DLC1: variants seen among roughly 807,000 people sequenced by gnomAD.
DLC1 encodes DLC1 Rho GTPase activating protein, also known as rho GTPase-activating protein 7.
Under a neutral mutation model 140.3 loss-of-function variants are expected in DLC1, and 54 were observed. That is an observed-to-expected ratio of 0.38 (90% CI 0.31 to 0.48). The LOEUF is 0.48. Among genes scored for constraint, DLC1 ranks in the 20% least tolerant of loss-of-function variants. DLC1 has a pLI of 0.96. For synonymous variants in DLC1, 986 were observed against 728.1 expected (o/e 1.35, Z -5.70); for missense variants, 2,536 against 1,907.0 (o/e 1.33, Z -6.14).
chr8:13,591,010 C>A (rs1467855607), intron 1 of DLC1, among the ~76,000 whole-genome samples: 1 of 151,952 alleles, frequency 6.6e-6, no homozygotes, highest in Non-Finnish European at 1.5e-5. Context: ...CATGGAGGTA[C>A]TTTCAATTGA....
intron 1 of DLC1, among the ~76,000 whole-genome samples, chr8:13,594,346 A>G (rs1805618196): frequency 6.6e-6 from 1 of 152,094 alleles, no homozygotes; most frequent in Non-Finnish European, 1.5e-5. Flanking sequence ...GCTCTGTATC[A>G]GTTCAGAAGA....
intron 2 of DLC1, among the ~76,000 whole-genome samples, chr8:13,425,192 G>A (rs576662695): frequency 6.6e-6 from 1 of 152,004 alleles, no homozygotes; most frequent in Non-Finnish European, 1.5e-5. Flanking sequence ...TCAAGCGGCT[G>A]TTTCCCACAA....
intron 4 of DLC1, among the ~76,000 whole-genome samples, chr8:13,385,827 A>G (rs1586250725): frequency 6.6e-6 from 1 of 152,240 alleles, no homozygotes; most frequent in African/African-American, 2.4e-5. Flanking sequence ...CACAGAGGCC[A>G]TCAAATGCCT....
intron 16 of DLC1, among the ~76,000 whole-genome samples, chr8:13,087,566 G>T (rs1585562156): frequency 1.3e-5 from 2 of 152,224 alleles, no homozygotes; most frequent in South Asian, 4.1e-4. Context: ...TACAAGGACT[G>T]CTGAATGAGG....
intron 2 of DLC1, among the ~76,000 whole-genome samples, chr8:13,432,915 G>A (rs1310472545): frequency 6.9e-6 from 1 of 145,610 alleles, no homozygotes. Flanking sequence ...TTGTGCTGCT[G>A]TCCTGCTGGA....
Position 13,099,598 on chromosome 8 carries a change from C to T in DLC1, c.2739G>A (p.Val913=). Residue 913 remains valine (V), a synonymous_variant, in exon 9 of 18, where the codon GTG becomes GTA. Transcript: ENST00000276297. ...GATTGACTATCCGCTGCATCCCCTT[C>T]ACGTGGTAGAGGATGTCGTCCAGCT... ...FPELDDILYH[V]KGMQRIVNQW... is the part of the protein sequence containing the mutation. 1.2e-6 allele frequency: 2 copies of T among 1,614,210 alleles called. No individual in the cohort carries two copies. The highest frequency in any genetic ancestry group is 2.2e-5 in the East Asian group (1 of 44,876).
In DLC1 at chr8:13,086,937, A is replaced by G. The variant is rs143008612; in HGVS notation, c.4293-474T>C. 4.7e-3 allele frequency among the ~76,000 whole-genome samples: 712 copies of G among 152,264 alleles called. 7 individuals are homozygous for G. Among genetic ancestry groups the G allele is most frequent in the African/African-American group, 0.016 (667 of 41,548 alleles). Reference sequence around the variant, plus strand: ...CTACTCCGGGGGCTGAGATGGTAGGATTGCTTAAGCTGTAATCATGCCACT... The same window carrying G: ...CTACTCCGGGGGCTGAGATGGTAGGGTTGCTTAAGCTGTAATCATGCCACT... On this transcript the variant is annotated intron_variant, in intron 16 of 17. Coordinates refer to ENST00000276297, the MANE Select transcript of DLC1 (RefSeq NM_182643.3).
intron 2 of DLC1, among the ~76,000 whole-genome samples, chr8:13,483,364 A>G (rs1800826685): frequency 1.3e-5 from 2 of 152,194 alleles, no homozygotes; most frequent in Admixed American, 6.5e-5. Context: ...TTGAGGGGCC[A>G]CAATTCAATC....
intron 1 of DLC1, among the ~76,000 whole-genome samples, chr8:13,590,078 C>G (rs1347454325): frequency 9.0e-6 from 1 of 111,002 alleles, no homozygotes; most frequent in African/African-American, 3.7e-5. Flanking sequence ...TATATATATA[C>G]AAACACATGC....
Position 13,100,280 on chromosome 8 carries a change from G to T in DLC1, c.2057C>A (p.Ala686Glu), listed in dbSNP as rs142931995. The change falls in exon 9 of 18, where the codon GCG (alanine) becomes GAG (glutamate). Residue 686 changes from alanine to glutamate, a missense_variant. Coordinates refer to ENST00000276297, the MANE Select transcript of DLC1 (RefSeq NM_182643.3). ...GATGATCAACCCCAGCTTTGAGGGC[G>T]CTTTGTGCTTGCTGTGATGGGAGCT... ...LKSSHHSKHK[A>E]PSKLGLIISG... 3 of 1,613,962 alleles carry T rather than the reference G, an allele frequency of 1.9e-6. No individual in the cohort carries two copies. The African/African-American group carries it at 4.0e-5, about 22-fold the overall frequency.
In DLC1 at chr8:13,456,112, G is replaced by A. The variant is rs536549631; in HGVS notation, c.1023+42937C>T. Among the ~76,000 whole-genome samples the A allele has an allele frequency of 7.2e-5, 11 of 152,264 alleles. No individual in the cohort carries two copies. In the South Asian group the frequency reaches 1.0e-3, roughly 14 times the overall value. ...TTCGAGATTTGCAGCAGAGTTTCCC[G>A]TAACAGCAAAATCTTAGATTAGGGC... On this transcript the variant is annotated intron_variant, in intron 2 of 17. Coordinates refer to ENST00000276297, the MANE Select transcript of DLC1 (RefSeq NM_182643.3).
intron 5 of DLC1, among the ~76,000 whole-genome samples, chr8:13,244,724 C>G (rs1222587504): frequency 6.6e-6 from 1 of 152,140 alleles, no homozygotes; most frequent in Non-Finnish European, 1.5e-5. Context: ...TGGACTCTCA[C>G]CCACCTTTCC....
intron 2 of DLC1, among the ~76,000 whole-genome samples, chr8:13,406,529 A>C (rs1837569707): frequency 6.6e-6 from 1 of 152,174 alleles, no homozygotes; most frequent in South Asian, 2.1e-4. Flanking sequence ...TTATTCCATG[A>C]AACAGCCTTT....
chr8:13,560,549 A>G (rs1804205748), intron 1 of DLC1, among the ~76,000 whole-genome samples: 1 of 152,208 alleles, frequency 6.6e-6, no homozygotes, highest in African/African-American at 2.4e-5. Flanking sequence ...AGTCGACCCC[A>G]AAAGCAGATT....
intron 1 of DLC1, among the ~76,000 whole-genome samples, chr8:13,585,263 C>A (rs1805259680): frequency 6.6e-6 from 1 of 152,038 alleles, no homozygotes; most frequent in Non-Finnish European, 1.5e-5. Flanking sequence ...GTTTCTGGAA[C>A]ATAAAGAATG....
At chr8:13,148,130 T>TA (rs1823567201) in intron 5 of DLC1, among the ~76,000 whole-genome samples, 1 of 151,972 alleles carries the variant, frequency 6.6e-6, no homozygotes, top group African/African-American at 2.4e-5. Context: ...TTTTTTTTTT[T>TA]AATTTTAGGT....
intron 2 of DLC1, among the ~76,000 whole-genome samples, chr8:13,453,415 T>TATATATATATGTGTATATATATAC: frequency 1.9e-5 from 1 of 52,092 alleles, no homozygotes; most frequent in Non-Finnish European, 3.1e-5. Flanking sequence ...TATATATATA[T>TATATATATATGTGTATATATATAC]ATATATATGT....
At chr8:13,568,865 C>A (rs1459422265) in intron 1 of DLC1, among the ~76,000 whole-genome samples, 2 of 152,066 alleles carry the variant, frequency 1.3e-5, no homozygotes, top group African/African-American at 2.4e-5. Flanking sequence ...ACAAATGGGG[C>A]AGACAAAATA....
At chr8:13,575,191 T>G (rs1403374160) in intron 1 of DLC1, among the ~76,000 whole-genome samples, 1 of 152,184 alleles carries the variant, frequency 6.6e-6, no homozygotes, top group Non-Finnish European at 1.5e-5. Context: ...AGCCCTGATT[T>G]TGATGAGCCC....
Sources: allele counts gnomAD v4.1 joint callset (sites outside exome capture counted in the v4.1 genomes callset), GRCh38; gene constraint gnomAD v4.1.1; transcripts MANE v1.5; gene names NCBI Gene and HGNC (gene_info 2026-07-23, HGNC 2026-07-21).